The following GALNT7 variants were observed in gnomAD, a reference collection of about 807,000 sequenced individuals.
The protein encoded by GALNT7 is N-acetylgalactosaminyltransferase 7.
GALNT7 carries 60 observed loss-of-function variants against 82.1 expected under a neutral mutation model. The observed-to-expected ratio is 0.73, with a 90% CI of 0.59 to 0.91. GALNT7 has a LOEUF of 0.91. GALNT7 is among the 40% of genes least tolerant of loss of function. The probability of loss-of-function intolerance (pLI) is 0.00; values close to 1 mark genes in which losing one functional copy is unlikely to be tolerated. For synonymous variants in GALNT7, 243 were observed against 275.1 expected, an observed-to-expected ratio of 0.88 and a Z score of 1.15; for missense variants, 660 against 804.2, an observed-to-expected ratio of 0.82 and a Z score of 2.17.
intron 2 of GALNT7, among the ~76,000 whole-genome samples, chr4:173,252,776 G>A (rs1734893166): frequency 6.6e-6 from 1 of 152,172 alleles, no homozygotes; most frequent in Admixed American, 6.6e-5. Flanking sequence ...CTGCCTTCAA[G>A]GGGCTCACCA....
chr4:173,258,056 G>A (rs1268731946), intron 2 of GALNT7, among the ~76,000 whole-genome samples: 1 of 149,842 alleles, frequency 6.7e-6, no homozygotes, highest in Non-Finnish European at 1.5e-5. Flanking sequence ...GGTATTAAAG[G>A]AGGACAGAGA....
At chr4:173,272,029 T>C (rs755974798) in intron 2 of GALNT7, among the ~76,000 whole-genome samples, 1 of 152,200 alleles carries the variant, frequency 6.6e-6, no homozygotes, top group Non-Finnish European at 1.5e-5. Context: ...TCAGTCTTTG[T>C]GCCCATCATT....
rs369124106 is a variant in GALNT7, at chr4:173,248,754, A to G, written c.587+314A>G. Among the ~76,000 whole-genome samples, 42 of 152,294 alleles carry G rather than the reference A, an allele frequency of 2.8e-4. 1 individual carries two copies. The East Asian group carries it at 5.2e-3, about 19-fold the overall frequency. ...AGAAAATGAGCTTGCACCAGGATGT[A>G]AGTCAACTACACTATTAAATATTTT... On this transcript the variant is annotated intron_variant, in intron 2 of 11. Transcript: ENST00000265000.
intron 2 of GALNT7, among the ~76,000 whole-genome samples, chr4:173,272,921 G>T (rs1451380358): frequency 6.6e-6 from 1 of 152,086 alleles, no homozygotes; most frequent in Non-Finnish European, 1.5e-5. Flanking sequence ...AAACGATCTA[G>T]TACATCTCTT....
intron 2 of GALNT7, among the ~76,000 whole-genome samples, chr4:173,291,210 A>G (rs1579995249): frequency 6.6e-6 from 1 of 152,182 alleles, no homozygotes; most frequent in Non-Finnish European, 1.5e-5. Flanking sequence ...AAGAAGAAAA[A>G]TGTTGCCTGA....
intron 5 of GALNT7, among the ~76,000 whole-genome samples, chr4:173,297,415 C>T (rs962525704): frequency 6.6e-6 from 1 of 152,108 alleles, no homozygotes. Context: ...CACACGCACA[C>T]GCATGCACAC....
chr4:173,212,887 T>C (rs184317924), intron 1 of GALNT7, among the ~76,000 whole-genome samples: 1 of 152,210 alleles, frequency 6.6e-6, no homozygotes, highest in East Asian at 1.9e-4. Flanking sequence ...TCAAGCTGAG[T>C]ACAAGATCCA....
intron 5 of GALNT7, among the ~76,000 whole-genome samples, chr4:173,296,496 C>G (rs1736720534): frequency 6.6e-6 from 1 of 152,188 alleles, no homozygotes; most frequent in Non-Finnish European, 1.5e-5. Context: ...AGGATTTAAT[C>G]ATGAGAGGAT....
At chr4:173,287,921 C>T (rs539313250) in intron 2 of GALNT7, among the ~76,000 whole-genome samples, 7 of 152,298 alleles carry the variant, frequency 4.6e-5, no homozygotes, top group Non-Finnish European at 1.0e-4. Context: ...GACCAATTGA[C>T]TTCCAAATAT....
chr4:173,215,791 TTTACA>T (rs1390790335), intron 1 of GALNT7, among the ~76,000 whole-genome samples: 1 of 152,108 alleles, frequency 6.6e-6, no homozygotes, highest in Non-Finnish European at 1.5e-5. Flanking sequence ...GAACTACATT[TTTACA>T]AATACTCAGA....
intron 1 of GALNT7, among the ~76,000 whole-genome samples, chr4:173,184,599 C>G (rs1456192496): frequency 9.1e-6 from 1 of 109,692 alleles, no homozygotes. Context: ...AGAGGGAGCT[C>G]GGCATCAGAG....
chr4:173,308,394 C>T (rs575842041), intron 8 of GALNT7, among the ~76,000 whole-genome samples: 1 of 151,550 alleles, frequency 6.6e-6, no homozygotes, highest in Non-Finnish European at 1.5e-5. Context: ...GGGAAAAATA[C>T]TAGCTTCTGT....
chr4:173,266,022 A>T (rs1735476306), intron 2 of GALNT7, among the ~76,000 whole-genome samples: 1 of 152,108 alleles, frequency 6.6e-6, no homozygotes, highest in Non-Finnish European at 1.5e-5. Context: ...CCTTGGAAGG[A>T]TGAAGCAAAT....
chr4:173,248,422 A>G lies in GALNT7; in HGVS notation c.569A>G (p.Asn190Ser), dbSNP rs746022763. ...SDMISLDRSV[N>S]DLRQEECKYW... is the part of the protein sequence containing the mutation. The stretch of plus-strand genomic sequence containing the variant: ...ATGATCTCACTGGACCGCAGCGTCA[A>G]TGACTTACGCCAAGAAGAGTAAGCA... Residue 190 changes from asparagine to serine, a missense_variant, in exon 2 of 12, where the codon AAT becomes AGT. This residue lies in a region of GALNT7 where 527 missense variants were observed against 683.5 expected (regional missense o/e 0.77). Coordinates refer to ENST00000265000, the MANE Select transcript of GALNT7 (RefSeq NM_017423.3). The G allele has an allele frequency of 4.4e-6, 7 of 1,606,948 alleles. No homozygotes were observed. Among genetic ancestry groups the G allele is most frequent in the Admixed American group, 1.7e-5 (1 of 59,842 alleles).
At chr4:173,273,582 A>G (rs1735801778) in intron 2 of GALNT7, among the ~76,000 whole-genome samples, 1 of 152,122 alleles carries the variant, frequency 6.6e-6, no homozygotes, top group South Asian at 2.1e-4. Context: ...ATTTACCCAT[A>G]AGAAGTATTT....
intron 8 of GALNT7, among the ~76,000 whole-genome samples, chr4:173,305,651 G>T (rs1196940681): frequency 6.6e-6 from 1 of 152,144 alleles, no homozygotes; most frequent in Non-Finnish European, 1.5e-5. Context: ...TTATTGAAGA[G>T]ACTGTGTTTT....
At position 173,248,385 on chromosome 4, in the gene GALNT7, G is replaced by T; in HGVS notation, c.532G>T (p.Val178Leu). The change falls in exon 2 of 12, where the codon GTG becomes TTG. Residue 178 changes from valine to leucine, a missense_variant. Physicochemically the swap from Val to Leu is conservative, Grantham distance 32 (BLOSUM62 1). This residue lies in a region of GALNT7 where 527 missense variants were observed against 683.5 expected (regional missense o/e 0.77). Coordinates refer to ENST00000265000, the MANE Select transcript of GALNT7 (RefSeq NM_017423.3). ...CATTAAAGAGTTTGGATTTAACATGGTGGCAAGTGACATGATCTCACTGGA... is the reference window on the plus strand; with the variant it reads ...CATTAAAGAGTTTGGATTTAACATGTTGGCAAGTGACATGATCTCACTGGA... ...ASIKEFGFNM[V>L]ASDMISLDRS... 6.2e-7 allele frequency: 1 copy of T among 1,613,598 alleles called. No homozygotes were observed. The highest frequency in any genetic ancestry group is 8.5e-7 in the Non-Finnish European group (1 of 1,179,734).
chr4:173,225,593 A>T (rs1733800541), intron 1 of GALNT7, among the ~76,000 whole-genome samples: 1 of 152,202 alleles, frequency 6.6e-6, no homozygotes, highest in Non-Finnish European at 1.5e-5. Context: ...TGCCTCATTT[A>T]ATCCTTGCAG....
intron 2 of GALNT7, among the ~76,000 whole-genome samples, chr4:173,269,333 C>G (rs192008778): frequency 1.3e-5 from 2 of 152,118 alleles, no homozygotes; most frequent in Non-Finnish European, 2.9e-5. Context: ...TCTTTCCTTG[C>G]TCCTTCCCAC....
Sources: allele counts gnomAD v4.1 joint callset (sites outside exome capture counted in the v4.1 genomes callset), GRCh38; gene constraint gnomAD v4.1.1; regional missense constraint gnomAD v4.1.1; transcripts MANE v1.5; gene names NCBI Gene and HGNC (gene_info 2026-07-23, HGNC 2026-07-21).